Variants in FAM13A observed in about 807,000 individuals in gnomAD.
FAM13A encodes the protein family with sequence similarity 13 member A, also known as protein FAM13A.
A neutral mutation model predicts 129.6 loss-of-function variants in FAM13A; 76 were observed. The observed-to-expected ratio is 0.59, with a 90% CI of 0.49 to 0.71. The LOEUF is 0.71. FAM13A is among the 30% of genes least tolerant of loss of function. The pLI, the probability that FAM13A is intolerant of heterozygous loss-of-function variation, is 0.00. For synonymous variants in FAM13A, 443 were observed against 449.9 expected (o/e 0.98, Z 0.20); for missense variants, 1,108 against 1,249.3 (o/e 0.89, Z 1.70).
At chr4:88,944,810 G>A (rs898023876) in intron 4 of FAM13A, among the ~76,000 whole-genome samples, 7 of 151,484 alleles carry the variant, frequency 4.6e-5, no homozygotes, top group African/African-American at 1.7e-4. Context: ...GGCTGAGGCA[G>A]AACAACTGCT....
chr4:88,904,768 C>A (rs188875867), intron 6 of FAM13A, among the ~76,000 whole-genome samples: 14 of 152,198 alleles, frequency 9.2e-5, no homozygotes, highest in Admixed American at 2.6e-4. Context: ...TACCTCTGAA[C>A]CTAAAATCAA....
chr4:88,815,324 C>T (rs1365904064), intron 7 of FAM13A, among the ~76,000 whole-genome samples: 1 of 152,156 alleles, frequency 6.6e-6, no homozygotes, highest in Non-Finnish European at 1.5e-5. Flanking sequence ...ATTTTTACCA[C>T]CCCTGGCCCC....
At chr4:89,053,592 G>T (rs1159366982) in intron 1 of FAM13A, among the ~76,000 whole-genome samples, 1 of 152,008 alleles carries the variant, frequency 6.6e-6, no homozygotes, top group Non-Finnish European at 1.5e-5. Context: ...CAGAAGCAGA[G>T]GTCCCCAAGT....
chr4:89,020,563 ACCG>A lies in FAM13A; in HGVS notation c.321_323del (p.Gly108del). The A allele has an allele frequency of 6.2e-7, 1 of 1,614,102 alleles. No individual in the cohort carries two copies. Among genetic ancestry groups the A allele is most frequent in the Non-Finnish European group, 8.5e-7 (1 of 1,179,990 alleles). On this transcript the variant is annotated inframe_deletion, in exon 3 of 24. Transcript: ENST00000264344. Reference sequence around the variant, plus strand: ...ACAGACTGGCTGCTGAGCAGACATCACCGTCCTTCCCGAGCTCCACGGGCACTC... The same window carrying A: ...ACAGACTGGCTGCTGAGCAGACATCATCCTTCCCGAGCTCCACGGGCACTC...
intron 4 of FAM13A, among the ~76,000 whole-genome samples, chr4:88,967,357 T>C (rs1759487087): frequency 6.6e-6 from 1 of 151,852 alleles, no homozygotes; most frequent in Admixed American, 6.6e-5. Flanking sequence ...GAATGAATAA[T>C]CTCATTTCCC....
intron 5 of FAM13A, among the ~76,000 whole-genome samples, chr4:88,909,079 T>C (rs1248847383): frequency 6.6e-6 from 1 of 152,232 alleles, no homozygotes; most frequent in Non-Finnish European, 1.5e-5. Flanking sequence ...ATAAAGCCAT[T>C]TATATTTGTA....
chr4:88,920,925 G>A (rs1429809812), intron 5 of FAM13A, among the ~76,000 whole-genome samples: 2 of 152,198 alleles, frequency 1.3e-5, no homozygotes, highest in African/African-American at 4.8e-5. Context: ...AGGAGCCGAT[G>A]TGATCAACTG....
intron 5 of FAM13A, among the ~76,000 whole-genome samples, chr4:88,915,712 C>T (rs1043875612): frequency 2.0e-5 from 3 of 152,054 alleles, no homozygotes; most frequent in Non-Finnish European, 4.4e-5. Context: ...CTCCAAAAGT[C>T]GTGTTGAAAT....
rs1741936313 is a variant in FAM13A at position 88,874,087 on chromosome 4, A to AAC, written c.844-22905_844-22904insGT. On this transcript the variant is annotated intron_variant, in intron 6 of 23. Coordinates refer to ENST00000264344, the MANE Select transcript of FAM13A (RefSeq NM_014883.4). ...GAAAAGGCCTTCGACAAAATTCAAC[A>AAC]CTGCTTCATGCTGAAAAACTCTCAA... Among the ~76,000 whole-genome samples, 5 of 152,320 alleles carry AAC rather than the reference A, an allele frequency of 3.3e-5. No homozygotes were observed. In the South Asian group the frequency reaches 6.2e-4, roughly 19 times the overall value.
chr4:88,872,287 C>T (rs1210135369), intron 6 of FAM13A, among the ~76,000 whole-genome samples: 1 of 152,134 alleles, frequency 6.6e-6, no homozygotes, highest in Non-Finnish European at 1.5e-5. Context: ...CAAATTCACA[C>T]ATAACAATAT....
At chr4:88,802,035 C>T (rs1219678848) in intron 8 of FAM13A, among the ~76,000 whole-genome samples, 1 of 152,032 alleles carries the variant, frequency 6.6e-6, no homozygotes, top group African/African-American at 2.4e-5. Context: ...GAACATGGCA[C>T]AGAAGAACAC....
intron 4 of FAM13A, among the ~76,000 whole-genome samples, chr4:88,971,961 C>G (rs114321150): frequency 0.014 from 2,156 of 152,258 alleles, 59 homozygotes; most frequent in African/African-American, 0.048. Context: ...TCTACATCTC[C>G]TTCAATAACA....
chr4:89,000,916 G>A (rs1478833458), intron 3 of FAM13A, among the ~76,000 whole-genome samples: 1 of 152,242 alleles, frequency 6.6e-6, no homozygotes, highest in East Asian at 1.9e-4. Context: ...CATGACAGTA[G>A]ATGGAAGATT....
chr4:88,788,013 G>C (rs1167923381), intron 9 of FAM13A, 81 bp from the exon 10 acceptor site: 1 of 1,102,840 alleles, frequency 9.1e-7, no homozygotes, highest in Non-Finnish European at 1.3e-6. Context: ...TACAGTTTTG[G>C]GAACATCTGT....
At chr4:88,732,277 C>T (rs1195051185) in intron 21 of FAM13A, 79 bp from the exon 22 acceptor site, 2 of 1,013,860 alleles carry the variant, frequency 2.0e-6, no homozygotes, top group Non-Finnish European at 2.9e-6. Flanking sequence ...ATTTAATAAT[C>T]ATTTAATTAT....
At chr4:88,892,713 T>TC (rs1745559644) in intron 6 of FAM13A, among the ~76,000 whole-genome samples, 1 of 152,146 alleles carries the variant, frequency 6.6e-6, no homozygotes, top group Admixed American at 6.6e-5. Flanking sequence ...AGGCATGCTA[T>TC]CACCGCTTTT....
At chr4:88,801,884 A>G (rs887391087) in intron 8 of FAM13A, among the ~76,000 whole-genome samples, 1 of 151,988 alleles carries the variant, frequency 6.6e-6, no homozygotes, top group Non-Finnish European at 1.5e-5. Flanking sequence ...GCAGAACCCG[A>G]GTCTTAGTGG....
At chr4:88,761,599 G>A (rs1044805816) in intron 13 of FAM13A, among the ~76,000 whole-genome samples, 2 of 152,076 alleles carry the variant, frequency 1.3e-5, no homozygotes, top group African/African-American at 4.8e-5. Context: ...ATGAGAGCGT[G>A]GCATGCTGGG....
chr4:88,862,939 G>A (rs929223655), intron 6 of FAM13A, among the ~76,000 whole-genome samples: 1 of 151,326 alleles, frequency 6.6e-6, no homozygotes, highest in Non-Finnish European at 1.5e-5. Context: ...AAAAAACTAT[G>A]TTTTTCTTTC....
Sources: allele counts gnomAD v4.1 joint callset (sites outside exome capture counted in the v4.1 genomes callset), GRCh38; gene constraint gnomAD v4.1.1; transcripts MANE v1.5; gene names NCBI Gene and HGNC (gene_info 2026-07-23, HGNC 2026-07-21).